Variants in ZSWIM8 observed in about 807,000 individuals in gnomAD.
ZSWIM8 encodes zinc finger SWIM domain-containing protein 8.
ZSWIM8 carries 27 observed loss-of-function variants against 173.7 expected under a neutral mutation model. The observed-to-expected ratio is 0.16, with a 90% CI of 0.11 to 0.21. The LOEUF (loss-of-function observed/expected upper bound fraction) is 0.21. Among genes scored for constraint, ZSWIM8 ranks in the 10% least tolerant of loss-of-function variants. ZSWIM8 has a pLI of 1.00. For synonymous variants in ZSWIM8, 958 were observed against 962.0 expected (o/e 1.00, Z 0.08); for missense variants, 1,627 against 2,428.8 (o/e 0.67, Z 6.94).
At position 73,793,730 on chromosome 10, in the gene ZSWIM8, C is replaced by CCCTTCCTCTA. The variant is rs760705698; in HGVS notation, c.2445+18_2445+27dup. 30 of 1,597,796 alleles carry CCCTTCCTCTA rather than the reference C, an allele frequency of 1.9e-5. No individual in the cohort carries two copies. The East Asian group carries it at 6.7e-4, about 36-fold the overall frequency. On this transcript the variant is annotated intron_variant, in intron 11 of 25. Coordinates refer to ENST00000604729, the MANE Select transcript of ZSWIM8 (RefSeq NM_001367799.1). ...CCGCCCCCTGCCAAGGTGAGAGACC[C>CCCTTCCTCTA]CCTTCCTCTACCTTCCCCTCCCCCA...
rs2083422098 is a variant in ZSWIM8 at position 73,791,760 on chromosome 10, T to G, written c.1320-99T>G. The G allele has an allele frequency of 2.1e-6, 3 of 1,418,960 alleles. No homozygotes were observed. The allele number at this position is 1,418,960 out of a possible 1,614,324, so 87.9% of individuals were successfully genotyped here. ...GGGGCTGGGTCAAGAAGTACTTTCC[T>G]GTATCCTTTCCCCATGCCTCTCTTT... On this transcript the variant is annotated intron_variant, in intron 9 of 25. Coordinates refer to ENST00000604729, the MANE Select transcript of ZSWIM8 (RefSeq NM_001367799.1). This position sits in a 1 kb window ranked among gnomAD's most constrained non-coding sequence, Gnocchi z 6.0.
At chr10:73,795,775 T>C in intron 15 of ZSWIM8, 112 bp downstream of exon 15, 1 of 1,239,552 alleles carries the variant, frequency 8.1e-7, no homozygotes, top group Non-Finnish European at 1.1e-6. Flanking sequence ...CTGGGCAACA[T>C]GGCGAAACCC....
rs2083308835 is a variant in ZSWIM8 at position 73,788,665 on chromosome 10, C to T, written c.209-5C>T. 6.2e-7 allele frequency: 1 copy of T among 1,613,688 alleles called. No individual in the cohort carries two copies. Among genetic ancestry groups the T allele is most frequent in the South Asian group, 1.1e-5 (1 of 91,058 alleles). On this transcript the variant is annotated splice_region_variant and splice_polypyrimidine_tract_variant and intron_variant, in intron 1 of 25. Transcript: ENST00000604729. ...TTCCCCTGATCCCAACCATTGTTTG[C>T]AAAGATGGACTGGTGATCCCATTGG...
In ZSWIM8 at chr10:73,793,930, G is replaced by C. The variant is rs375341128; in HGVS notation, c.2511G>C (p.Ala837=). The C allele has an allele frequency of 3.1e-6, 5 of 1,613,310 alleles. No individual in the cohort carries two copies. In the African/African-American group the frequency reaches 6.7e-5, roughly 22 times the overall value. Residue 837 remains alanine, a synonymous_variant, in exon 12 of 26, where the codon GCG becomes GCC. Coordinates refer to ENST00000604729, the MANE Select transcript of ZSWIM8 (RefSeq NM_001367799.1). The part of the protein sequence containing the change: ...TWVATNTLSK[A]AFLLTVLSER... ...TGGCTACCAACACCCTGAGCAAGGCGGCCTTCCTGTTGACAGTGCTAAGTG... is the reference window on the plus strand; with the variant it reads ...TGGCTACCAACACCCTGAGCAAGGCCGCCTTCCTGTTGACAGTGCTAAGTG...
Position 73,800,889 on chromosome 10 carries a change from G to T in ZSWIM8, c.5123-128G>T. On this transcript the variant is annotated intron_variant, in intron 24 of 25. Transcript: ENST00000604729. This position sits in a 1 kb window ranked among gnomAD's most constrained non-coding sequence, Gnocchi z 4.1. ...GTCGGGTATGTGTGCGTGCGCGGGG[G>T]GCGGAGGGTTACCTCAGCTCCTGGG... 8.4e-7 allele frequency: 1 copy of T among 1,195,712 alleles called. No individual in the cohort carries two copies. The highest frequency in any genetic ancestry group is 1.2e-6 in the Non-Finnish European group (1 of 851,316). 74.1% of individuals were successfully genotyped at this position (1,195,712 alleles called of 1,614,324 possible). A position where few individuals can be genotyped will look rare whatever the true frequency, so the allele number is the denominator to read the frequency against.
intron 10 of ZSWIM8, 77 bp from the exon 11 acceptor site, chr10:73,793,511 G>C: frequency 6.8e-7 from 1 of 1,480,386 alleles, no homozygotes. Flanking sequence ...AAGGAATGTT[G>C]GCTGCATGAG....
rs74147558 is a variant in ZSWIM8 at position 73,786,359 on chromosome 10, T to C, written c.208+273T>C. The C allele has an allele frequency of 4.9e-3, 1,865 of 378,472 alleles. 31 individuals are homozygous for C. Among genetic ancestry groups the C allele is most frequent in the African/African-American group, 0.034 (1,649 of 48,116 alleles). The allele number at this position is 378,472 out of a possible 1,614,324, so 23.4% of individuals were successfully genotyped here. A position where few individuals can be genotyped will look rare whatever the true frequency, so the allele number is the denominator to read the frequency against. ...GTGTGTGTGTGTGCGCGCGCGCGCGTGCGCGCGCTGTGACAGGGAGATCCT... is the reference window on the plus strand; with the variant it reads ...GTGTGTGTGTGTGCGCGCGCGCGCGCGCGCGCGCTGTGACAGGGAGATCCT... On this transcript the variant is annotated intron_variant, in intron 1 of 25. Coordinates refer to ENST00000604729, the MANE Select transcript of ZSWIM8 (RefSeq NM_001367799.1).
rs1219238353 is a variant in ZSWIM8, at chr10:73,801,738, G to A, written c.*219G>A. The A allele has an allele frequency of 6.6e-7, 1 of 1,525,696 alleles. No homozygotes were observed. Among genetic ancestry groups the A allele is most frequent in the South Asian group, 1.2e-5 (1 of 82,916 alleles). 94.5% of individuals were successfully genotyped at this position (1,525,696 alleles called of 1,614,324 possible). A position where few individuals can be genotyped will look rare whatever the true frequency, so the allele number is the denominator to read the frequency against. ...AGCCCTGTCTGGGAGGGGGCGTTGG[G>A]TGGCCTCTGGTATTTATTTGGCATT... On this transcript the variant is annotated 3_prime_UTR_variant, in exon 26 of 26. Coordinates refer to ENST00000604729, the MANE Select transcript of ZSWIM8 (RefSeq NM_001367799.1). This position sits in a 1 kb window ranked among gnomAD's most constrained non-coding sequence, Gnocchi z 4.9.
Position 73,801,586 on chromosome 10 carries a change from G to T in ZSWIM8, c.*67G>T. ...GGCTATGGGGGCCCCTCACACAGGGGGAGTGAAACTTGGCTGGACAGATCA... is the reference window on the plus strand; with the variant it reads ...GGCTATGGGGGCCCCTCACACAGGGTGAGTGAAACTTGGCTGGACAGATCA... On this transcript the variant is annotated 3_prime_UTR_variant, in exon 26 of 26. Transcript: ENST00000604729. The surrounding 1 kb of genome is among the most constrained non-coding windows in gnomAD (Gnocchi z 4.9). 4 of 1,575,924 alleles carry T rather than the reference G, an allele frequency of 2.5e-6. No homozygotes were observed. The highest frequency in any genetic ancestry group is 3.4e-6 in the Non-Finnish European group (4 of 1,164,426).
chr10:73,796,632 G>A, intron 15 of ZSWIM8, 142 bp from the exon 16 acceptor site: 1 of 1,148,834 alleles, frequency 8.7e-7, no homozygotes. Context: ...AAACCAGGAG[G>A]TCATCCTGTG....
rs775657305 is a variant in ZSWIM8, at chr10:73,785,658, G to A, written c.-221G>A. On this transcript the variant is annotated 5_prime_UTR_variant, in exon 1 of 26. Transcript: ENST00000604729. ...CGCTTCGTCCCGGCCCTAAGTCTCGGAGACTGGCCAAGATCACCGCTTGCA... is the reference window on the plus strand; with the variant it reads ...CGCTTCGTCCCGGCCCTAAGTCTCGAAGACTGGCCAAGATCACCGCTTGCA... 1 of 626,288 alleles carries A rather than the reference G, an allele frequency of 1.6e-6. No homozygotes were observed. The highest frequency in any genetic ancestry group is 3.0e-6 in the Non-Finnish European group (1 of 335,092). The allele number at this position is 626,288 out of a possible 1,614,324, so 38.8% of individuals were successfully genotyped here.
chr10:73,791,180 A>ATC lies in ZSWIM8; in HGVS notation c.1143+5_1143+6dup, dbSNP rs749459641. The ATC allele has an allele frequency of 6.3e-7, 1 of 1,597,094 alleles. No individual in the cohort carries two copies. The highest frequency in any genetic ancestry group is 2.2e-5 in the East Asian group (1 of 44,536). On this transcript the variant is annotated splice_donor_region_variant and intron_variant, in intron 8 of 25. Transcript: ENST00000604729. The surrounding 1 kb of genome is among the most constrained non-coding windows in gnomAD (Gnocchi z 6.0). ...CCAGTGCCTCACCTATGAACAGGTA[A>ATC]TCACTCAGCGTTGGGGAGCCCCGTG...
chr10:73,801,006 C>G lies in ZSWIM8; in HGVS notation c.5123-11C>G. On this transcript the variant is annotated splice_polypyrimidine_tract_variant and intron_variant, in intron 24 of 25. Transcript: ENST00000604729. The surrounding 1 kb of genome is among the most constrained non-coding windows in gnomAD (Gnocchi z 4.9). The stretch of plus-strand genomic sequence containing the variant: ...CCACCCCCGTCTCATGCCCCTCCCC[C>G]TGCCCCCCAGGAGTGAACTACGTGC... 1 of 1,537,924 alleles carries G rather than the reference C, an allele frequency of 6.5e-7. No individual in the cohort carries two copies. The highest frequency in any genetic ancestry group is 8.8e-7 in the Non-Finnish European group (1 of 1,136,692).
At position 73,799,091 on chromosome 10, in the gene ZSWIM8, T is replaced by C. The variant is rs1274302037; in HGVS notation, c.4266T>C (p.Ala1422=). The C allele has an allele frequency of 6.2e-7, 1 of 1,613,764 alleles. No homozygotes were observed. Among genetic ancestry groups the C allele is most frequent in the Non-Finnish European group, 8.5e-7 (1 of 1,179,840 alleles). ...ACCCTGAAGTGTTGTTTGAGGTTGC[T>C]CACCAGTGGTTCTGGCTGTATGAGC... ...GVYPEVLFEV[A]HQWFWLYEQT... The change falls in exon 21 of 26, where the codon GCT becomes GCC. Residue 1422 remains alanine, a synonymous_variant. Coordinates refer to ENST00000604729, the MANE Select transcript of ZSWIM8 (RefSeq NM_001367799.1).
chr10:73,798,864 G>A, intron 20 of ZSWIM8, 138 bp from the exon 21 acceptor site: 1 of 1,194,390 alleles, frequency 8.4e-7, no homozygotes. Flanking sequence ...CTCTGATAAT[G>A]GACTCTAAGC....
chr10:73,785,916 G>C lies in ZSWIM8; in HGVS notation c.38G>C (p.Arg13Pro). ...LMFAEWEDGE[R>P]FSFEDSDRFE... ...TTTGCAGAGTGGGAGGACGGAGAGCGCTTCTCATTCGAGGATTCGGACCGT... is the reference window on the plus strand; with the variant it reads ...TTTGCAGAGTGGGAGGACGGAGAGCCCTTCTCATTCGAGGATTCGGACCGT... Residue 13 changes from arginine (R) to proline (P), a missense_variant, in exon 1 of 26, where the codon CGC becomes CCC. Arg to Pro is a moderately radical substitution (Grantham distance 103). This residue lies in a region of ZSWIM8 where 60 missense variants were observed against 93.9 expected (regional missense o/e 0.64). Transcript: ENST00000604729. 1 of 1,550,298 alleles carries C rather than the reference G, an allele frequency of 6.5e-7. No homozygotes were observed. The highest frequency in any genetic ancestry group is 1.2e-5 in the South Asian group (1 of 83,800).
At position 73,785,848 on chromosome 10, in the gene ZSWIM8, G is replaced by A; in HGVS notation, c.-31G>A. 1 of 1,474,614 alleles carries A rather than the reference G, an allele frequency of 6.8e-7. No individual in the cohort carries two copies. 91.3% of individuals were successfully genotyped at this position (1,474,614 alleles called of 1,614,324 possible). A position where few individuals can be genotyped will look rare whatever the true frequency, so the allele number is the denominator to read the frequency against. On this transcript the variant is annotated 5_prime_UTR_variant, in exon 1 of 26. Transcript: ENST00000604729. Reference sequence around the variant, plus strand: ...GCGGCCCAGGCCCCGGATCCGCGGGGGGGGACCCGGCCCCGGGGGGTGCGG... The same window carrying A: ...GCGGCCCAGGCCCCGGATCCGCGGGAGGGGACCCGGCCCCGGGGGGTGCGG...
chr10:73,787,264 T>G (rs2083261287), intron 1 of ZSWIM8, among the ~76,000 whole-genome samples: 2 of 152,174 alleles, frequency 1.3e-5, no homozygotes, highest in African/African-American at 4.8e-5. Context: ...TTTTTAGGAG[T>G]GGCGGACTGG....
At position 73,789,401 on chromosome 10, in the gene ZSWIM8, G is replaced by A. The variant is rs572056888; in HGVS notation, c.492G>A (p.Gln164=). 32 of 1,575,734 alleles carry A rather than the reference G, an allele frequency of 2.0e-5. No individual in the cohort carries two copies. In the East Asian group the frequency reaches 6.3e-4, roughly 31 times the overall value. ...TGAGTGCTACAGTGGTGCCACCTCAGATGGTCCCTCCTAAAGGGGCCTACA... is the reference window on the plus strand; with the variant it reads ...TGAGTGCTACAGTGGTGCCACCTCAAATGGTCCCTCCTAAAGGGGCCTACA... The part of the protein sequence containing the change: ...FHLSATVVPP[Q]MVPPKGAYNV... The change falls in exon 4 of 26, where the codon CAG becomes CAA. Residue 164 remains glutamine (Q), a synonymous_variant. Coordinates refer to ENST00000604729, the MANE Select transcript of ZSWIM8 (RefSeq NM_001367799.1). This position sits in a 1 kb window ranked among gnomAD's most constrained non-coding sequence, Gnocchi z 6.8.
Sources: gnomAD v4.1 joint callset for allele counts (sites outside exome capture counted in the v4.1 genomes callset) on GRCh38, gnomAD v4.1.1 for gene constraint, gnomAD v4.1.1 regional missense constraint, Gnocchi (gnomAD v3.1) non-coding constraint, MANE v1.5 for transcripts, NCBI Gene and HGNC (gene_info 2026-07-23, HGNC 2026-07-21) for gene names.